RIC1: variants seen among roughly 807,000 people sequenced by gnomAD.
The protein encoded by RIC1 is guanine nucleotide exchange factor subunit RIC1.
Under a neutral mutation model 169.0 loss-of-function variants are expected in RIC1, and 88 were observed. The ratio of observed to expected loss-of-function variants is 0.52; its 90% CI spans 0.44 to 0.62. The LOEUF is 0.62. RIC1 is among the 20% of genes least tolerant of loss of function. The pLI is 0.00. For synonymous variants in RIC1, 790 were observed against 601.5 expected (o/e 1.31, Z -4.59); for missense variants, 1,877 against 1,725.5 (o/e 1.09, Z -1.56).
chr9:5,742,813 A>AAAC (rs1554678272), intron 8 of RIC1, 56 bp from the exon 9 acceptor site: 16 of 1,469,840 alleles, frequency 1.1e-5, no homozygotes, highest in Admixed American at 2.1e-5. Flanking sequence ...AAAAAAAAAA[A>AAAC]CAAGTATTTC....
At chr9:5,705,163 T>C (rs933175513) in intron 3 of RIC1, among the ~76,000 whole-genome samples, 9 of 151,386 alleles carry the variant, frequency 5.9e-5, no homozygotes, top group African/African-American at 2.2e-4. Context: ...CCTTTCTGTA[T>C]GAATTTTAGG....
Position 5,762,616 on chromosome 9 carries a change from C to A in RIC1, c.2068C>A (p.Gln690Lys), listed in dbSNP as rs547159481. ...GATGCAGAGGGACAGGTCAGGCCCA[C>A]AGATCCGGGAGAAGGACAGTAACCC... is the stretch of plus-strand genomic sequence containing the variant. ...IMMQRDRSGPQIREKDSNPNN... is the reference protein window; with the variant it reads ...IMMQRDRSGPKIREKDSNPNN... Residue 690 changes from glutamine (Q) to lysine (K), a missense_variant, in exon 18 of 26, where the codon CAG (glutamine) becomes AAG (lysine). By Grantham distance (53) the Gln-to-Lys change is moderately conservative. Coordinates refer to ENST00000414202, the MANE Select transcript of RIC1 (RefSeq NM_020829.4). 105 of 1,613,988 alleles carry A rather than the reference C, an allele frequency of 6.5e-5. 2 individuals are homozygous for A. In the South Asian group the frequency reaches 6.7e-4, roughly 10 times the overall value.
chr9:5,770,277 A>G lies in RIC1; in HGVS notation c.3615A>G (p.Lys1205=). Residue 1205 remains lysine, a splice_region_variant and synonymous_variant, in exon 23 of 26, where the codon AAA becomes AAG. Transcript: ENST00000414202. ...QDAFLSPLSN[K]GDECSIGSAT... ...CCTTCTTGTCACCTTTATCTAATAA[A>G]GGTAAATGTAATTTTAAATCCTAGC... 1 of 1,610,506 alleles carries G rather than the reference A, an allele frequency of 6.2e-7. No individual in the cohort carries two copies. Among genetic ancestry groups the G allele is most frequent in the African/African-American group, 1.3e-5 (1 of 74,874 alleles).
chr9:5,679,961 A>G (rs1289590300), intron 2 of RIC1, among the ~76,000 whole-genome samples: 3 of 152,180 alleles, frequency 2.0e-5, no homozygotes, highest in Non-Finnish European at 4.4e-5. Context: ...CATCCAGTAT[A>G]ATATTGGCTG....
Position 5,773,951 on chromosome 9 carries a change from T to C in RIC1, c.3984-7T>C, listed in dbSNP as rs750761674. Reference sequence around the variant, plus strand: ...CAGATGAGCTAATGTTTTTTTTCTCTACATAGTCCTGGATATAAGCCATTT... The same window carrying C: ...CAGATGAGCTAATGTTTTTTTTCTCCACATAGTCCTGGATATAAGCCATTT... On this transcript the variant is annotated splice_region_variant and splice_polypyrimidine_tract_variant and intron_variant, in intron 25 of 25. Coordinates refer to ENST00000414202, the MANE Select transcript of RIC1 (RefSeq NM_020829.4). The C allele has an allele frequency of 5.1e-6, 8 of 1,564,158 alleles. No homozygotes were observed. Among genetic ancestry groups the C allele is most frequent in the Non-Finnish European group, 6.9e-6 (8 of 1,157,260 alleles).
At chr9:5,689,850 G>T (rs1821489686) in intron 2 of RIC1, 109 bp from the exon 3 acceptor site, 1 of 669,442 alleles carries the variant, frequency 1.5e-6, no homozygotes, top group Non-Finnish European at 2.5e-6. Flanking sequence ...CCAAGGGAGG[G>T]TATTGGAGAA....
At chr9:5,638,849 A>C (rs1818100595) in intron 1 of RIC1, among the ~76,000 whole-genome samples, 1 of 151,972 alleles carries the variant, frequency 6.6e-6, no homozygotes, top group South Asian at 2.1e-4. Flanking sequence ...TTCTGTTACT[A>C]ATTTTGGGTT....
In RIC1 at chr9:5,701,465, T is replaced by C. The variant is rs545216166; in HGVS notation, c.332+11427T>C. Reference sequence around the variant, plus strand: ...CCGTCTCTACTAACAATACAAAAATTAGCTGGTGTGGTAATCCCGGCTACT... The same window carrying C: ...CCGTCTCTACTAACAATACAAAAATCAGCTGGTGTGGTAATCCCGGCTACT... On this transcript the variant is annotated intron_variant, in intron 3 of 25. Coordinates refer to ENST00000414202, the MANE Select transcript of RIC1 (RefSeq NM_020829.4). 1.1e-4 allele frequency among the ~76,000 whole-genome samples: 17 copies of C among 152,032 alleles called. No homozygotes were observed. In the East Asian group the frequency reaches 3.3e-3, roughly 29 times the overall value.
In RIC1 at chr9:5,733,739, C is replaced by CT. The variant is rs1358631187; in HGVS notation, c.812+1268dup. The stretch of plus-strand genomic sequence containing the variant: ...ACTTAGTACAAGAGAGAAGGAAAAG[C>CT]TTTTTTTTAATGTTTGTGGATTGGA... On this transcript the variant is annotated intron_variant, in intron 7 of 25. Transcript: ENST00000414202. 5.9e-5 allele frequency among the ~76,000 whole-genome samples: 9 copies of CT among 151,530 alleles called. No individual in the cohort carries two copies. In the South Asian group the frequency reaches 8.3e-4, roughly 14 times the overall value.
chr9:5,750,811 C>G (rs980442262), intron 12 of RIC1, among the ~76,000 whole-genome samples: 2 of 151,552 alleles, frequency 1.3e-5, no homozygotes, highest in Non-Finnish European at 2.9e-5. Flanking sequence ...CTGCCATTCC[C>G]TTTTATCAAG....
Position 5,763,756 on chromosome 9 carries a change from A to G in RIC1, c.2729A>G (p.Tyr910Cys). The change falls in exon 19 of 26, where the codon TAT becomes TGT. Residue 910 changes from tyrosine (Y) to cysteine (C), a missense_variant. Tyr to Cys is a radical substitution (Grantham distance 194). Around this residue, in one of 3 missense-constraint regions of RIC1, gnomAD observed 92 missense variants for 151.5 expected, o/e 0.61. Coordinates refer to ENST00000414202, the MANE Select transcript of RIC1 (RefSeq NM_020829.4). The surrounding 1 kb of genome is among the most constrained non-coding windows in gnomAD (Gnocchi z 5.2). ...TVVHCARKTEYALWNYLFAAV... is the reference protein window; with the variant it reads ...TVVHCARKTECALWNYLFAAV... ...GTCCATTGTGCCAGGAAGACCGAAT[A>G]TGCCCTGTGGAATTACCTTTTTGCA... 2 of 1,614,146 alleles carry G rather than the reference A, an allele frequency of 1.2e-6. No individual in the cohort carries two copies. Among genetic ancestry groups the G allele is most frequent in the Admixed American group, 1.7e-5 (1 of 60,022 alleles).
intron 1 of RIC1, among the ~76,000 whole-genome samples, chr9:5,643,575 A>G (rs150956470): frequency 1.4e-4 from 21 of 148,858 alleles, no homozygotes; most frequent in African/African-American, 3.9e-4. Flanking sequence ...AAAAAGGGCA[A>G]TTAGCCCTTT....
intron 1 of RIC1, 98 bp downstream of exon 1, chr9:5,629,551 T>G (rs1332923267): frequency 7.7e-7 from 1 of 1,303,506 alleles, no homozygotes; most frequent in African/African-American, 1.5e-5. Flanking sequence ...CTCCTGCCCC[T>G]TCGTGCCAGA....
chr9:5,706,885 T>C (rs1822623646), intron 3 of RIC1, among the ~76,000 whole-genome samples: 1 of 152,154 alleles, frequency 6.6e-6, no homozygotes, highest in Admixed American at 6.5e-5. Flanking sequence ...TTGCTTTAAT[T>C]GATTTTTCTC....
chr9:5,660,846 T>G (rs1172841160), intron 2 of RIC1, among the ~76,000 whole-genome samples: 1 of 152,238 alleles, frequency 6.6e-6, no homozygotes, highest in Admixed American at 6.5e-5. Flanking sequence ...GCAGAAGCTC[T>G]TCAGTTCGAT....
chr9:5,659,522 C>T (rs1819319924), intron 2 of RIC1, among the ~76,000 whole-genome samples: 1 of 152,092 alleles, frequency 6.6e-6, no homozygotes, highest in Non-Finnish European at 1.5e-5. Context: ...CCCTAAGATG[C>T]TATATGACTG....
At chr9:5,629,490 C>G (rs1295819471) in intron 1 of RIC1, 37 bp downstream of exon 1, 1 of 1,504,594 alleles carries the variant, frequency 6.6e-7, no homozygotes, top group Non-Finnish European at 8.8e-7. Context: ...GCCGCTGCCT[C>G]CCCGGCCTCC....
At chr9:5,742,421 C>T (rs976473904) in intron 8 of RIC1, among the ~76,000 whole-genome samples, 1 of 152,112 alleles carries the variant, frequency 6.6e-6, no homozygotes, top group African/African-American at 2.4e-5. Context: ...TTCAGGGTGT[C>T]ATTTGCTGTA....
intron 10 of RIC1, among the ~76,000 whole-genome samples, chr9:5,745,571 C>T (rs1043374831): frequency 2.0e-5 from 3 of 152,136 alleles, no homozygotes; most frequent in African/African-American, 7.2e-5. Flanking sequence ...TACTGGGTAA[C>T]CTGGGGTGTC....
Sources: allele counts gnomAD v4.1 joint callset (sites outside exome capture counted in the v4.1 genomes callset), GRCh38; gene constraint gnomAD v4.1.1; regional missense constraint gnomAD v4.1.1; non-coding constraint Gnocchi (gnomAD v3.1); transcripts MANE v1.5; gene names NCBI Gene and HGNC (gene_info 2026-07-23, HGNC 2026-07-21).